The following DCC variants were observed in gnomAD, a reference collection of about 807,000 sequenced individuals.
DCC encodes the protein DCC netrin 1 receptor.
A neutral mutation model predicts 172.5 loss-of-function variants in DCC; 58 were observed. The ratio of observed to expected loss-of-function variants is 0.34; its 90% confidence interval spans 0.27 to 0.42. DCC has a LOEUF of 0.42. Ranked by LOEUF, DCC falls within the 10% of genes least tolerant of loss-of-function variation. The pLI is 1.00. For missense variants in DCC, 1,740 were observed against 1,791.0 expected (o/e 0.97, Z 0.51); for synonymous variants, 709 against 644.5 (o/e 1.10, Z -1.52).
At chr18:52,619,069 CTGGGATTACGGG>C (rs2034434974) in intron 1 of DCC, among the ~76,000 whole-genome samples, 3 of 152,160 alleles carry the variant, frequency 2.0e-5, no homozygotes, top group African/African-American at 7.2e-5. Context: ...TCCTGAGTAG[CTGGGATTACGGG>C]CATGCACCGC....
At chr18:53,514,795 T>G (rs1419946071) in intron 27 of DCC, among the ~76,000 whole-genome samples, 1 of 151,942 alleles carries the variant, frequency 6.6e-6, no homozygotes, top group East Asian at 1.9e-4. Context: ...TCTGAAATTG[T>G]GGCAATAATC....
chr18:53,506,782 T>TGGAA (rs1176602337), intron 27 of DCC, among the ~76,000 whole-genome samples: 1 of 150,180 alleles, frequency 6.7e-6, no homozygotes, highest in African/African-American at 2.5e-5. Context: ...CACTTGAACC[T>TGGAA]GGAAGGCAGA....
rs1205323437 is a variant in DCC, at chr18:53,530,155, T to TATCA, written c.4255-408_4255-405dup. 9.9e-6 allele frequency: 6 copies of TATCA among 605,570 alleles called. No homozygotes were observed. The East Asian group carries it at 1.7e-4, about 17-fold the overall frequency. 37.5% of individuals were successfully genotyped at this position (605,570 alleles called of 1,614,324 possible). On this transcript the variant is annotated intron_variant, in intron 28 of 28. Transcript: ENST00000442544. ...TGAATATCTACCATATGCCAGACCC[T>TATCA]ATCATGGGTACTAAACATGTTACAG...
chr18:52,954,633 A>C (rs1445689628), intron 5 of DCC, among the ~76,000 whole-genome samples: 1 of 152,196 alleles, frequency 6.6e-6, no homozygotes, highest in East Asian at 1.9e-4. Flanking sequence ...TAATAGCCCA[A>C]TTATTTCCAC....
chr18:52,463,212 C>T (rs1161618013), intron 1 of DCC, among the ~76,000 whole-genome samples: 2 of 151,970 alleles, frequency 1.3e-5, no homozygotes, highest in Non-Finnish European at 2.9e-5. Context: ...TCGTGTGATC[C>T]TTTCTTATTT....
At chr18:53,301,680 A>G (rs12962388) in intron 12 of DCC, among the ~76,000 whole-genome samples, 1 of 151,498 alleles carries the variant, frequency 6.6e-6, no homozygotes, top group African/African-American at 2.4e-5. Context: ...CTCTTAGTTT[A>G]CCAGTTTTAA....
chr18:52,492,144 G>C (rs1245955719), intron 1 of DCC, among the ~76,000 whole-genome samples: 1 of 151,900 alleles, frequency 6.6e-6, no homozygotes, highest in Admixed American at 6.6e-5. Context: ...CTGAGAGTTT[G>C]AGTAGGAAAT....
chr18:52,992,133 G>A (rs905750481), intron 5 of DCC, among the ~76,000 whole-genome samples: 1 of 152,168 alleles, frequency 6.6e-6, no homozygotes. Flanking sequence ...CCCTTTATGC[G>A]AATGGTGGAA....
At chr18:52,940,615 C>T (rs2040446848) in intron 5 of DCC, among the ~76,000 whole-genome samples, 1 of 152,092 alleles carries the variant, frequency 6.6e-6, no homozygotes, top group East Asian at 1.9e-4. Context: ...TTTGGTAAAG[C>T]TGTGTGAATG....
chr18:52,678,987 A>G (rs771863108), intron 1 of DCC, among the ~76,000 whole-genome samples: 19 of 152,006 alleles, frequency 1.2e-4, no homozygotes, highest in Non-Finnish European at 2.4e-4. Flanking sequence ...TACCTGCTTG[A>G]TTGCATTCTC....
At chr18:52,411,798 C>T (rs867451558) in intron 1 of DCC, among the ~76,000 whole-genome samples, 7 of 152,236 alleles carry the variant, frequency 4.6e-5, no homozygotes, top group East Asian at 3.9e-4. Context: ...ACAAATATCA[C>T]GAGACGAAAT....
chr18:53,430,794 G>T (rs1419075847), intron 21 of DCC, among the ~76,000 whole-genome samples: 1 of 152,116 alleles, frequency 6.6e-6, no homozygotes, highest in African/African-American at 2.4e-5. Flanking sequence ...CATCACTTCA[G>T]TTAGCACAAA....
intron 1 of DCC, among the ~76,000 whole-genome samples, chr18:52,650,521 C>G (rs886967320): frequency 1.3e-5 from 2 of 152,036 alleles, no homozygotes; most frequent in African/African-American, 4.8e-5. Flanking sequence ...CCTTGCCAAC[C>G]TCTGTTTTTT....
chr18:52,739,159 G>T (rs10853621), intron 1 of DCC, among the ~76,000 whole-genome samples: 57,193 of 151,912 alleles, frequency 0.38, 11,257 homozygotes, highest in South Asian at 0.45. Flanking sequence ...TCCACTACAA[G>T]CTTATAAGAC....
intron 8 of DCC, among the ~76,000 whole-genome samples, chr18:53,168,729 TGAAAG>T (rs745719882): frequency 2.0e-5 from 3 of 151,362 alleles, no homozygotes; most frequent in Non-Finnish European, 2.9e-5. Flanking sequence ...TAAAAAGAAA[TGAAAG>T]GAAAAGGAAA....
At chr18:53,517,646 G>A (rs999207439) in intron 27 of DCC, among the ~76,000 whole-genome samples, 1 of 151,964 alleles carries the variant, frequency 6.6e-6, no homozygotes, top group Non-Finnish European at 1.5e-5. Context: ...TACAATGGGA[G>A]GAGGAGAAAG....
At chr18:52,816,453 A>C (rs1003356469) in intron 2 of DCC, among the ~76,000 whole-genome samples, 1 of 152,212 alleles carries the variant, frequency 6.6e-6, no homozygotes, top group African/African-American at 2.4e-5. Flanking sequence ...GTGGCGGAGC[A>C]CTGAATAGTA....
intron 1 of DCC, among the ~76,000 whole-genome samples, chr18:52,417,693 T>A (rs1380789839): frequency 1.3e-5 from 2 of 152,186 alleles, no homozygotes; most frequent in African/African-American, 4.8e-5. Flanking sequence ...ATTCTTCAGG[T>A]AGTTCTCGAG....
At chr18:53,407,060 G>A (rs796371138) in intron 19 of DCC, among the ~76,000 whole-genome samples, 4 of 152,106 alleles carry the variant, frequency 2.6e-5, no homozygotes, top group African/African-American at 9.7e-5. Flanking sequence ...TGATCCCAGA[G>A]CTGTCATTTT....
Sources: allele counts gnomAD v4.1 joint callset (sites outside exome capture counted in the v4.1 genomes callset), GRCh38; gene constraint gnomAD v4.1.1; transcripts MANE v1.5; gene names NCBI Gene and HGNC (gene_info 2026-07-23, HGNC 2026-07-21).